Variants in MAN1A1 observed in about 807,000 individuals in gnomAD.
The protein encoded by MAN1A1 is mannosyl-oligosaccharide 1,2-alpha-mannosidase IA.
MAN1A1 carries 29 observed loss-of-function variants against 70.8 expected under a neutral mutation model. The ratio of observed to expected loss-of-function variants is 0.41; its 90% CI spans 0.31 to 0.56. The LOEUF (loss-of-function observed/expected upper bound fraction) is 0.56, where lower values mean the gene tolerates loss of function less well. Ranked by LOEUF, MAN1A1 falls within the 20% of genes least tolerant of loss-of-function variation. The pLI is 0.29. For synonymous variants in MAN1A1, 349 were observed against 330.1 expected, an observed-to-expected ratio of 1.06 and a Z score of -0.62; for missense variants, 747 against 841.3, an observed-to-expected ratio of 0.89 and a Z score of 1.39.
chr6:119,256,587 T>C (rs932891741), intron 5 of MAN1A1, among the ~76,000 whole-genome samples: 1 of 152,134 alleles, frequency 6.6e-6, no homozygotes, highest in African/African-American at 2.4e-5. Flanking sequence ...GTAAATGCCA[T>C]GTTCTCGTGG....
intron 6 of MAN1A1, among the ~76,000 whole-genome samples, chr6:119,224,364 G>A (rs547930167): frequency 1.3e-5 from 2 of 152,298 alleles, no homozygotes; most frequent in South Asian, 2.1e-4. Context: ...GCTTAGCAAT[G>A]TCTACAAAAT....
At chr6:119,230,566 A>G (rs1490560861) in intron 6 of MAN1A1, among the ~76,000 whole-genome samples, 1 of 152,156 alleles carries the variant, frequency 6.6e-6, no homozygotes, top group Non-Finnish European at 1.5e-5. Flanking sequence ...CATCCCCTTG[A>G]TCCCAGCTCA....
intron 3 of MAN1A1, 123 bp from the exon 4 acceptor site, chr6:119,302,226 T>G: frequency 1.9e-6 from 1 of 521,614 alleles, no homozygotes; most frequent in Admixed American, 3.3e-5. Flanking sequence ...ATATTAAACA[T>G]AGTCTAAAAT....
chr6:119,269,324 T>C (rs12211868), intron 5 of MAN1A1: 112,570 of 252,622 alleles, frequency 0.45, 26,102 homozygotes, highest in East Asian at 0.64. Context: ...GCACCCCAGA[T>C]AGGCAAATTT....
intron 5 of MAN1A1, among the ~76,000 whole-genome samples, chr6:119,259,982 T>A (rs1339447156): frequency 6.6e-6 from 1 of 152,150 alleles, no homozygotes; most frequent in East Asian, 1.9e-4. Context: ...TGGTATTGAT[T>A]GCATTTTTTT....
chr6:119,334,480 G>A (rs1034025727), intron 2 of MAN1A1, among the ~76,000 whole-genome samples: 2 of 146,054 alleles, frequency 1.4e-5, no homozygotes, highest in South Asian at 2.2e-4. Flanking sequence ...CAGCCAAAAT[G>A]TTCTTCTGAA....
intron 9 of MAN1A1, among the ~76,000 whole-genome samples, chr6:119,190,226 C>A (rs1773406411): frequency 6.6e-6 from 1 of 152,150 alleles, no homozygotes. Context: ...TTTTCATTTC[C>A]ATAAGTGGTG....
At chr6:119,276,857 C>T (rs952399526) in intron 5 of MAN1A1, among the ~76,000 whole-genome samples, 3 of 152,134 alleles carry the variant, frequency 2.0e-5, no homozygotes, top group African/African-American at 7.2e-5. Flanking sequence ...ATTTATAAAA[C>T]TAAGATGACA....
At chr6:119,276,688 G>C (rs1158702696) in intron 5 of MAN1A1, among the ~76,000 whole-genome samples, 1 of 152,166 alleles carries the variant, frequency 6.6e-6, no homozygotes, top group Non-Finnish European at 1.5e-5. Flanking sequence ...AACTAAGGAA[G>C]TCACTATTTA....
chr6:119,209,515 C>T (rs1264335809), intron 6 of MAN1A1, among the ~76,000 whole-genome samples: 1 of 152,136 alleles, frequency 6.6e-6, no homozygotes, highest in Non-Finnish European at 1.5e-5. Flanking sequence ...GTCATGTATG[C>T]AAACAGAATG....
At chr6:119,210,831 A>G in intron 6 of MAN1A1, 1 of 441,274 alleles carries the variant, frequency 2.3e-6, no homozygotes, top group South Asian at 1.6e-5. Context: ...AGAGACATAA[A>G]CATCCACTAC....
chr6:119,297,804 G>GTTTT (rs373387072), intron 4 of MAN1A1, among the ~76,000 whole-genome samples: 1 of 94,232 alleles, frequency 1.1e-5, no homozygotes, highest in Non-Finnish European at 2.0e-5. Context: ...TTTTTGTTTT[G>GTTTT]TTTTGTTTTT....
chr6:119,281,979 C>T (rs6903155), intron 5 of MAN1A1, among the ~76,000 whole-genome samples: 123,849 of 152,052 alleles, frequency 0.81, 50,762 homozygotes, highest in Non-Finnish European at 0.86. Context: ...GGAGAATTGC[C>T]TGAACCTGAG....
At chr6:119,229,281 A>G (rs1774609875) in intron 6 of MAN1A1, among the ~76,000 whole-genome samples, 1 of 152,040 alleles carries the variant, frequency 6.6e-6, no homozygotes. Context: ...AAGAGGTTCC[A>G]TGGTGAAAAA....
chr6:119,321,332 T>G (rs973224783), intron 2 of MAN1A1, among the ~76,000 whole-genome samples: 3 of 152,200 alleles, frequency 2.0e-5, no homozygotes, highest in African/African-American at 7.2e-5. Context: ...CTTCTACCAT[T>G]GACAGAAAAT....
chr6:119,309,775 ACC>A (rs1772650808), intron 2 of MAN1A1, among the ~76,000 whole-genome samples: 1 of 151,848 alleles, frequency 6.6e-6, no homozygotes, highest in South Asian at 2.2e-4. Flanking sequence ...CATAATTGCA[ACC>A]CATTATTTTA....
At chr6:119,187,520 AG>A (rs1394050483) in intron 11 of MAN1A1, among the ~76,000 whole-genome samples, 1 of 152,238 alleles carries the variant, frequency 6.6e-6, no homozygotes, top group Non-Finnish European at 1.5e-5. Context: ...ATAATAAGCA[AG>A]ATTCACCGAT....
At chr6:119,292,512 T>C (rs1276680909) in intron 4 of MAN1A1, among the ~76,000 whole-genome samples, 3 of 152,008 alleles carry the variant, frequency 2.0e-5, no homozygotes, top group Non-Finnish European at 4.4e-5. Flanking sequence ...TGAGTCTACA[T>C]TTTAGTGGGA....
At chr6:119,250,435 T>C (rs1775285015) in intron 5 of MAN1A1, among the ~76,000 whole-genome samples, 1 of 152,172 alleles carries the variant, frequency 6.6e-6, no homozygotes, top group African/African-American at 2.4e-5. Context: ...ATCTGTACAA[T>C]GGAGATAACA....
Sources: gnomAD v4.1 joint callset for allele counts (sites outside exome capture counted in the v4.1 genomes callset) on GRCh38, gnomAD v4.1.1 for gene constraint, MANE v1.5 for transcripts, NCBI Gene and HGNC (gene_info 2026-07-23, HGNC 2026-07-21) for gene names.